ZNF385D: variants seen among roughly 807,000 people sequenced by gnomAD.
The protein encoded by ZNF385D is zinc finger protein 385D.
Under a neutral mutation model 35.8 loss-of-function variants are expected in ZNF385D, and 15 were observed. The observed-to-expected ratio is 0.42, with a 90% CI of 0.28 to 0.64. The LOEUF is 0.64. Ranked by LOEUF, ZNF385D falls within the 30% of genes least tolerant of loss-of-function variation. ZNF385D has a pLI of 0.23. For synonymous variants in ZNF385D, 212 were observed against 186.8 expected, an observed-to-expected ratio of 1.13 and a Z score of -1.10; for missense variants, 474 against 494.6, an observed-to-expected ratio of 0.96 and a Z score of 0.39.
At chr3:22,017,102 G>T (rs561140498) in intron 3 of ZNF385D, among the ~76,000 whole-genome samples, 51 of 152,038 alleles carry the variant, frequency 3.4e-4, no homozygotes, top group African/African-American at 1.2e-3. Flanking sequence ...CAGTGTATCT[G>T]CCAGTCAGAT....
chr3:22,288,074 A>G (rs1702117427), intron 2 of ZNF385D, among the ~76,000 whole-genome samples: 1 of 152,068 alleles, frequency 6.6e-6, no homozygotes, highest in Non-Finnish European at 1.5e-5. Context: ...ATTCTGAAAT[A>G]TCAAACCACT....
intron 2 of ZNF385D, among the ~76,000 whole-genome samples, chr3:22,249,621 A>G (rs1021624773): frequency 1.3e-5 from 2 of 152,218 alleles, no homozygotes; most frequent in Non-Finnish European, 2.9e-5. Flanking sequence ...TATGCTGGAA[A>G]TTACTAAGGA....
intron 3 of ZNF385D, among the ~76,000 whole-genome samples, chr3:21,974,278 C>T (rs1455580387): frequency 1.3e-5 from 2 of 151,996 alleles, no homozygotes; most frequent in African/African-American, 4.8e-5. Flanking sequence ...CATACATCTA[C>T]AGTGAACTTA....
chr3:21,751,582 C>T (rs2070089801), upstream of ZNF385D: 3 of 320,842 alleles, frequency 9.4e-6, no homozygotes, highest in Non-Finnish European at 9.0e-6. Flanking sequence ...AGGGATGGTG[C>T]CGTGCTTGCA....
intron 2 of ZNF385D, among the ~76,000 whole-genome samples, chr3:21,586,817 G>GTA (rs1342008198): frequency 6.6e-6 from 1 of 152,112 alleles, no homozygotes; most frequent in Admixed American, 6.6e-5. Flanking sequence ...GTAATGAAGG[G>GTA]TAGACAAAAA....
intron 3 of ZNF385D, among the ~76,000 whole-genome samples, chr3:22,033,643 G>A (rs115156056): frequency 6.6e-6 from 1 of 151,780 alleles, no homozygotes; most frequent in African/African-American, 2.4e-5. Context: ...AAAATCACTC[G>A]ATGAACTATC....
chr3:21,984,861 C>T (rs1238688198), intron 3 of ZNF385D, among the ~76,000 whole-genome samples: 3 of 134,538 alleles, frequency 2.2e-5, no homozygotes, highest in Non-Finnish European at 4.9e-5. Flanking sequence ...GTTTGTAGTT[C>T]TCCTTGAAGA....
intron 2 of ZNF385D, among the ~76,000 whole-genome samples, chr3:21,641,579 C>T (rs775706357): frequency 6.7e-6 from 1 of 149,242 alleles, no homozygotes; most frequent in Non-Finnish European, 1.5e-5. Flanking sequence ...CACCAACTCT[C>T]TATGACTGGA....
At chr3:21,855,280 A>T (rs779381096) in intron 3 of ZNF385D, among the ~76,000 whole-genome samples, 5 of 151,930 alleles carry the variant, frequency 3.3e-5, no homozygotes, top group Non-Finnish European at 7.4e-5. Flanking sequence ...AAAAAATTTT[A>T]CTCTTCGGCA....
Position 22,122,966 on chromosome 3 carries a change from A to G in ZNF385D, c.325+45851T>C, listed in dbSNP as rs191737159. On this transcript the variant is annotated intron_variant, in intron 3 of 5. Coordinates refer to the ZNF385D transcript ENST00000494108. ...GAAAAGTATTAGGAGATAAGATCAT[A>G]TAGGGCTTTGGAGGCAACTTTAAAG... 4.5e-3 allele frequency among the ~76,000 whole-genome samples: 679 copies of G among 152,322 alleles called. 3 individuals are homozygous for G. Among genetic ancestry groups the G allele is most frequent in the Non-Finnish European group, 7.6e-3 (518 of 68,026 alleles).
intron 4 of ZNF385D, among the ~76,000 whole-genome samples, chr3:21,501,317 A>C (rs1381133525): frequency 6.6e-6 from 1 of 152,164 alleles, no homozygotes; most frequent in African/African-American, 2.4e-5. Context: ...ATGTCTTTTT[A>C]TCTAAACTAG....
At chr3:22,164,151 T>C (rs1706152305) in intron 3 of ZNF385D, among the ~76,000 whole-genome samples, 1 of 151,064 alleles carries the variant, frequency 6.6e-6, no homozygotes, top group Admixed American at 6.6e-5. Flanking sequence ...GGCATATAAC[T>C]AGGCCCACCT....
chr3:21,765,128 G>T (rs2070770985), intron 3 of ZNF385D, among the ~76,000 whole-genome samples: 1 of 151,824 alleles, frequency 6.6e-6, no homozygotes, highest in African/African-American at 2.4e-5. Flanking sequence ...AAATAAGTTG[G>T]TTCTAATGTT....
chr3:22,269,271 C>T (rs114046000), intron 2 of ZNF385D, among the ~76,000 whole-genome samples: 4 of 151,898 alleles, frequency 2.6e-5, no homozygotes, highest in Non-Finnish European at 5.9e-5. Context: ...GAATAAATCT[C>T]TAACAACTAT....
intron 2 of ZNF385D, among the ~76,000 whole-genome samples, chr3:22,322,265 A>G (rs957881964): frequency 1.3e-5 from 2 of 152,074 alleles, no homozygotes; most frequent in African/African-American, 4.8e-5. Context: ...TTCCACAAAA[A>G]TTTTCTTCAC....
intron 2 of ZNF385D, among the ~76,000 whole-genome samples, chr3:22,297,064 T>C (rs903253847): frequency 6.6e-6 from 1 of 152,172 alleles, no homozygotes; most frequent in Non-Finnish European, 1.5e-5. Context: ...ATTGTATTTC[T>C]GTTATATATT....
intron 3 of ZNF385D, among the ~76,000 whole-genome samples, chr3:22,158,324 T>G (rs562665299): frequency 2.0e-5 from 3 of 152,186 alleles, no homozygotes; most frequent in African/African-American, 7.2e-5. Flanking sequence ...TATTCTGAAG[T>G]TCTATTGGAA....
At chr3:21,867,282 C>T (rs2125840263) in intron 3 of ZNF385D, among the ~76,000 whole-genome samples, 1 of 152,222 alleles carries the variant, frequency 6.6e-6, no homozygotes, top group South Asian at 2.1e-4. Flanking sequence ...CGTCTCCTGA[C>T]ACTGTTGCAT....
chr3:21,541,544 C>T (rs1269509553), intron 3 of ZNF385D, among the ~76,000 whole-genome samples: 1 of 152,072 alleles, frequency 6.6e-6, no homozygotes, highest in Non-Finnish European at 1.5e-5. Flanking sequence ...CGAATGGCCA[C>T]AAAACCCCAA....
Sources: allele counts gnomAD v4.1 joint callset (sites outside exome capture counted in the v4.1 genomes callset), GRCh38; gene constraint gnomAD v4.1.1; transcripts MANE v1.5; gene names NCBI Gene and HGNC (gene_info 2026-07-23, HGNC 2026-07-21).